Variants in METAP1 observed in about 807,000 individuals in gnomAD.
METAP1 encodes the protein methionyl aminopeptidase 1.
METAP1 carries 28 observed loss-of-function variants against 53.8 expected under a neutral mutation model. That is an observed-to-expected ratio of 0.52 (90% CI 0.39 to 0.71). The LOEUF is 0.71. Among genes scored for constraint, METAP1 ranks in the 30% least tolerant of loss-of-function variants. The pLI is 0.00. For synonymous variants in METAP1, 181 were observed against 165.7 expected (o/e 1.09, Z -0.71); for missense variants, 389 against 479.8 (o/e 0.81, Z 1.77).
chr4:99,041,062 A>T lies in METAP1; in HGVS notation c.452A>T (p.Asp151Val). The T allele has an allele frequency of 6.2e-7, 1 of 1,608,750 alleles. No individual in the cohort carries two copies. ...LVCRLAREVL[D>V]VAAGMIKPGV... ...TTACAGCTTGCTAGAGAAGTTTTGG[A>T]TGTTGCTGCCGGCATGATTAAACCA... Residue 151 changes from aspartate to valine, a missense_variant, in exon 6 of 11, where the codon GAT becomes GTT. By Grantham distance (152) the Asp-to-Val change is radical (BLOSUM62 -3). Coordinates refer to ENST00000296411, the MANE Select transcript of METAP1 (RefSeq NM_015143.3).
At chr4:99,023,202 A>T in intron 1 of METAP1, 1 of 511,454 alleles carries the variant, frequency 2.0e-6, no homozygotes, top group Non-Finnish European at 3.3e-6. Flanking sequence ...TTGCATGGTT[A>T]AATCACAATT....
intron 1 of METAP1, among the ~76,000 whole-genome samples, chr4:99,004,799 T>C (rs2110278453): frequency 6.6e-6 from 1 of 152,356 alleles, no homozygotes; most frequent in Admixed American, 6.5e-5. Context: ...ACATGCGTTT[T>C]TTTGTTTGTC....
chr4:99,053,793 C>G (rs1200070847), intron 9 of METAP1, among the ~76,000 whole-genome samples: 2 of 152,132 alleles, frequency 1.3e-5, no homozygotes, highest in African/African-American at 4.8e-5. Flanking sequence ...AGCTCTTGGG[C>G]GACCAGGTGC....
intron 2 of METAP1, among the ~76,000 whole-genome samples, chr4:99,031,997 A>G (rs1209884754): frequency 6.6e-6 from 1 of 152,204 alleles, no homozygotes; most frequent in African/African-American, 2.4e-5. Context: ...TTGTGCTACC[A>G]TCATCAGCTC....
At chr4:99,043,516 C>A in intron 7 of METAP1, 129 bp downstream of exon 7, 1 of 917,730 alleles carries the variant, frequency 1.1e-6, no homozygotes, top group Non-Finnish European at 1.6e-6. Flanking sequence ...AATTCAGTAT[C>A]ACTAACTCTT....
intron 1 of METAP1, among the ~76,000 whole-genome samples, chr4:99,005,378 A>T (rs1723127658): frequency 6.6e-6 from 1 of 152,262 alleles, no homozygotes; most frequent in African/African-American, 2.4e-5. Flanking sequence ...ACATATGAAA[A>T]AATGCTCAAT....
intron 1 of METAP1, chr4:99,022,978 T>C (rs1560706411): frequency 1.1e-5 from 17 of 1,478,494 alleles, no homozygotes; most frequent in Admixed American, 8.0e-5. Flanking sequence ...TGGTGGGATA[T>C]GGCCCAGGTA....
At chr4:99,043,837 T>G (rs1726038946) in intron 7 of METAP1, among the ~76,000 whole-genome samples, 1 of 152,208 alleles carries the variant, frequency 6.6e-6, no homozygotes, top group South Asian at 2.1e-4. Flanking sequence ...GACCCCTATG[T>G]TAAGCTACCT....
chr4:99,010,150 A>G (rs1380480507), intron 1 of METAP1, among the ~76,000 whole-genome samples: 1 of 152,166 alleles, frequency 6.6e-6, no homozygotes, highest in Admixed American at 6.5e-5. Flanking sequence ...GCCTGTTGGC[A>G]CCCTTGTCAA....
chr4:99,009,688 A>T (rs1206283270), intron 1 of METAP1, among the ~76,000 whole-genome samples: 1 of 152,176 alleles, frequency 6.6e-6, no homozygotes, highest in Non-Finnish European at 1.5e-5. Flanking sequence ...TGTCTGCTTA[A>T]GTCTTTTGCC....
chr4:99,053,953 G>A (rs922676126), intron 9 of METAP1, among the ~76,000 whole-genome samples: 2 of 149,066 alleles, frequency 1.3e-5, no homozygotes, highest in Admixed American at 6.6e-5. Context: ...ATAAATTGAG[G>A]TGCTGTCATC....
At chr4:99,026,615 G>T (rs1176048513) in intron 1 of METAP1, 1 of 985,252 alleles carries the variant, frequency 1.0e-6, no homozygotes, top group Non-Finnish European at 1.2e-6. Flanking sequence ...GGGAAAGATT[G>T]CCCTGTTAAG....
intron 1 of METAP1, among the ~76,000 whole-genome samples, chr4:99,018,276 T>G (rs967585150): frequency 1.3e-5 from 2 of 152,224 alleles, no homozygotes; most frequent in African/African-American, 2.4e-5. Flanking sequence ...TTGGAGCTCT[T>G]CTTTGGAGAC....
chr4:99,016,802 GATCCCAGTAC>G (rs1723793247), intron 1 of METAP1, among the ~76,000 whole-genome samples: 1 of 152,132 alleles, frequency 6.6e-6, no homozygotes, highest in Non-Finnish European at 1.5e-5. Flanking sequence ...CCAGGGTGTA[GATCCCAGTAC>G]ATCCATAGAC....
chr4:99,035,677 T>C (rs71612668), intron 4 of METAP1, among the ~76,000 whole-genome samples: 6,883 of 152,284 alleles, frequency 0.045, 203 homozygotes, highest in South Asian at 0.11. Flanking sequence ...AAAGACTATA[T>C]TTAAAATAAT....
chr4:99,035,672 CTA>C lies in METAP1; in HGVS notation c.340+216_340+217del, dbSNP rs533883734. On this transcript the variant is annotated intron_variant, in intron 4 of 10. Transcript: ENST00000296411. ...GAAAACACTATGTAGCTGTTAAAGA[CTA>C]TATTTAAAATAATACTGTATTTTAT... is the stretch of plus-strand genomic sequence containing the variant. 2.1e-3 allele frequency among the ~76,000 whole-genome samples: 315 copies of C among 152,210 alleles called. 1 individual carries two copies. Among genetic ancestry groups the C allele is most frequent in the Non-Finnish European group, 2.4e-3 (160 of 67,984 alleles).
chr4:99,001,007 T>C (rs1205534307), intron 1 of METAP1, among the ~76,000 whole-genome samples: 1 of 152,142 alleles, frequency 6.6e-6, no homozygotes, highest in Non-Finnish European at 1.5e-5. Flanking sequence ...TGGAAGAAAG[T>C]CTTGTTGAGC....
chr4:99,032,424 G>C (rs553090982), intron 2 of METAP1, among the ~76,000 whole-genome samples: 1 of 152,084 alleles, frequency 6.6e-6, no homozygotes, highest in South Asian at 2.1e-4. Context: ...GTGGAGACGG[G>C]TTTTTCCATG....
chr4:99,052,961 A>G (rs577209011), intron 9 of METAP1, among the ~76,000 whole-genome samples: 2 of 152,300 alleles, frequency 1.3e-5, no homozygotes, highest in South Asian at 2.1e-4. Context: ...ATTCCATTTC[A>G]AGAAACTACT....
Sources: allele counts gnomAD v4.1 joint callset (sites outside exome capture counted in the v4.1 genomes callset), GRCh38; gene constraint gnomAD v4.1.1; transcripts MANE v1.5; gene names NCBI Gene and HGNC (gene_info 2026-07-23, HGNC 2026-07-21).